Variants in RARB observed in about 807,000 individuals in gnomAD.
The protein encoded by RARB is retinoic acid receptor beta, also known as HBV-activated protein.
A neutral mutation model predicts 51.9 loss-of-function variants in RARB; 17 were observed. The ratio of observed to expected loss-of-function variants is 0.33; its 90% confidence interval spans 0.22 to 0.49. RARB has a LOEUF of 0.49. Among genes scored for constraint, RARB ranks in the 20% least tolerant of loss-of-function variants. RARB has a pLI of 0.99. For missense variants in RARB, 369 were observed against 550.8 expected (o/e 0.67, Z 3.30); for synonymous variants, 215 against 195.4 (o/e 1.10, Z -0.84).
chr3:25,094,716 C>CAAAAAAAAAAAAAAAA (rs57477720), intron 3 of RARB, among the ~76,000 whole-genome samples: 10 of 43,106 alleles, frequency 2.3e-4, no homozygotes, highest in Non-Finnish European at 3.9e-4. Flanking sequence ...GACCCCATCT[C>CAAAAAAAAAAAAAAAA]AAAAAAAAAA....
intron 5 of RARB, among the ~76,000 whole-genome samples, chr3:25,268,129 C>T (rs550017663): frequency 1.7e-4 from 26 of 152,264 alleles, no homozygotes; most frequent in African/African-American, 3.4e-4. Flanking sequence ...CTAACATGAA[C>T]GACATCAACC....
At chr3:25,366,978 T>C (rs566271393) in intron 5 of RARB, among the ~76,000 whole-genome samples, 1 of 152,294 alleles carries the variant, frequency 6.6e-6, no homozygotes, top group South Asian at 2.1e-4. Flanking sequence ...TAAAGAAATT[T>C]GGATTGAAGA....
intron 2 of RARB, among the ~76,000 whole-genome samples, chr3:25,476,486 C>A (rs554844339): frequency 6.6e-6 from 1 of 152,228 alleles, no homozygotes; most frequent in African/African-American, 2.4e-5. Flanking sequence ...ACACTTTTTA[C>A]AAGTTTCTTA....
At chr3:25,254,694 C>G (rs998653776) in intron 5 of RARB, among the ~76,000 whole-genome samples, 1 of 152,002 alleles carries the variant, frequency 6.6e-6, no homozygotes, top group African/African-American at 2.4e-5. Context: ...AGGGAGGGTG[C>G]TGGATGACTT....
chr3:25,075,472 T>C (rs1281364386), intron 3 of RARB, among the ~76,000 whole-genome samples: 1 of 152,140 alleles, frequency 6.6e-6, no homozygotes, highest in Non-Finnish European at 1.5e-5. Context: ...CCTGAGCCAA[T>C]ACCCTACATG....
intron 3 of RARB, among the ~76,000 whole-genome samples, chr3:25,553,502 C>G (rs1699927865): frequency 6.6e-6 from 1 of 152,158 alleles, no homozygotes; most frequent in Non-Finnish European, 1.5e-5. Flanking sequence ...TCTTTGGATG[C>G]TTATAAAGGA....
At chr3:24,903,940 C>A (rs1275562735) in intron 2 of RARB, among the ~76,000 whole-genome samples, 1 of 151,950 alleles carries the variant, frequency 6.6e-6, no homozygotes, top group African/African-American at 2.4e-5. Flanking sequence ...AAGTAAAAAC[C>A]ATATTTCTGA....
chr3:25,268,897 C>T (rs1054680323), intron 5 of RARB, among the ~76,000 whole-genome samples: 3 of 152,142 alleles, frequency 2.0e-5, no homozygotes, highest in East Asian at 1.9e-4. Context: ...GCCTGTCAAA[C>T]CACCCAACAC....
intron 5 of RARB, among the ~76,000 whole-genome samples, chr3:25,222,260 T>A (rs1216143247): frequency 6.6e-6 from 1 of 152,168 alleles, no homozygotes; most frequent in Non-Finnish European, 1.5e-5. Flanking sequence ...ATCTCCTTCT[T>A]ACTATTTAAA....
chr3:25,361,231 T>C lies in RARB; in HGVS notation c.179-99962T>C, dbSNP rs561850070. Among the ~76,000 whole-genome samples the C allele has an allele frequency of 2.0e-5, 3 of 152,358 alleles. No individual in the cohort carries two copies. The South Asian group carries it at 6.2e-4, about 32-fold the overall frequency. On this transcript the variant is annotated intron_variant, in intron 5 of 11. Coordinates refer to the RARB transcript ENST00000383772. ...TTTACGCTTTATTTCATTAAGTTGA[T>C]CTTCAATCTCTGATATCCTTTCTTC...
chr3:24,870,227 T>C (rs916723735), intron 2 of RARB, among the ~76,000 whole-genome samples: 7 of 152,094 alleles, frequency 4.6e-5, no homozygotes, highest in Non-Finnish European at 8.8e-5. Flanking sequence ...TAATTTATTT[T>C]CTTTTATGAC....
intron 5 of RARB, among the ~76,000 whole-genome samples, chr3:25,374,236 G>A (rs1706389910): frequency 6.6e-6 from 1 of 151,934 alleles, no homozygotes; most frequent in Non-Finnish European, 1.5e-5. Context: ...GCTCAAACCA[G>A]GTACCAGGAA....
At chr3:25,522,899 T>G (rs1698462715) in intron 3 of RARB, among the ~76,000 whole-genome samples, 1 of 152,174 alleles carries the variant, frequency 6.6e-6, no homozygotes, top group South Asian at 2.1e-4. Flanking sequence ...CAGTAGACAC[T>G]GGGTGAGGGA....
At chr3:24,927,173 A>T (rs1695337870) in intron 2 of RARB, among the ~76,000 whole-genome samples, 2 of 152,108 alleles carry the variant, frequency 1.3e-5, no homozygotes, top group South Asian at 4.1e-4. Flanking sequence ...TCATCCAATA[A>T]ATTTGTTATT....
intron 2 of RARB, among the ~76,000 whole-genome samples, chr3:24,884,921 G>C (rs1194447554): frequency 6.6e-6 from 1 of 152,178 alleles, no homozygotes; most frequent in South Asian, 2.1e-4. Flanking sequence ...GGGACATGGG[G>C]CCATACTTCT....
intron 2 of RARB, among the ~76,000 whole-genome samples, chr3:24,902,900 A>C (rs376999759): frequency 1.3e-5 from 2 of 152,296 alleles, no homozygotes; most frequent in East Asian, 3.9e-4. Flanking sequence ...TAAAGTACAT[A>C]GTAAGATGAA....
intron 5 of RARB, among the ~76,000 whole-genome samples, chr3:25,236,909 C>A (rs1244655227): frequency 7.3e-6 from 1 of 136,274 alleles, no homozygotes; most frequent in Non-Finnish European, 1.6e-5. Context: ...TTATTTTAAA[C>A]CCCGGAAATT....
intron 5 of RARB, among the ~76,000 whole-genome samples, chr3:25,402,506 C>A (rs4681059): frequency 0.81 from 123,478 of 152,196 alleles, 50,862 homozygotes; most frequent in East Asian, 1. Flanking sequence ...CTGCACTCCT[C>A]TGTTTGTCCA....
intron 2 of RARB, among the ~76,000 whole-genome samples, chr3:24,942,348 T>C (rs1435977687): frequency 6.6e-6 from 1 of 152,172 alleles, no homozygotes; most frequent in Non-Finnish European, 1.5e-5. Flanking sequence ...TATCAAATCT[T>C]AAATTTGAAA....
Sources: allele counts gnomAD v4.1 joint callset (sites outside exome capture counted in the v4.1 genomes callset), GRCh38; gene constraint gnomAD v4.1.1; transcripts MANE v1.5; gene names NCBI Gene and HGNC (gene_info 2026-07-23, HGNC 2026-07-21).